Variants in SH3BGRL2 observed in about 807,000 individuals in gnomAD.
The protein encoded by SH3BGRL2 is SH3 domain binding glutamate rich protein like 2.
A neutral mutation model predicts 14.8 loss-of-function variants in SH3BGRL2; 21 were observed. The observed-to-expected ratio is 1.42, with a 90% CI of 1.01 to 2.05. The LOEUF is 2.05. SH3BGRL2 is among the 30% of genes most tolerant of loss of function. The probability of loss-of-function intolerance (pLI) is 0.00; values close to 1 mark genes in which losing one functional copy is unlikely to be tolerated. For missense variants in SH3BGRL2, 147 were observed against 130.8 expected, an observed-to-expected ratio of 1.12 and a Z score of -0.61; for synonymous variants, 50 against 47.8, an observed-to-expected ratio of 1.05 and a Z score of -0.19.
At chr6:79,655,144 A>C (rs961602549) in intron 1 of SH3BGRL2, among the ~76,000 whole-genome samples, 3 of 152,072 alleles carry the variant, frequency 2.0e-5, no homozygotes, top group African/African-American at 7.2e-5. Context: ...TGCTTTTGTC[A>C]GGGAAGATTT....
At chr6:79,543,334 A>G in the SH3BGRL2 span, among the ~76,000 whole-genome samples, 1 of 152,218 alleles carries the variant, frequency 6.6e-6, no homozygotes, top group Admixed American at 6.5e-5. Context: ...CAGGCCAGCT[A>G]CATTTCAAGT....
chr6:79,586,232 C>CTTGTTTTTTTTTTTT, the SH3BGRL2 span, among the ~76,000 whole-genome samples: 1 of 71,590 alleles, frequency 1.4e-5, no homozygotes, highest in Non-Finnish European at 2.6e-5. Context: ...TATGTATGGA[C>CTTGTTTTTTTTTTTT]TTCTTTTTTT....
chr6:79,598,036 A>G, the SH3BGRL2 span, among the ~76,000 whole-genome samples: 1 of 152,256 alleles, frequency 6.6e-6, no homozygotes, highest in Non-Finnish European at 1.5e-5. Flanking sequence ...ATGGAAATGT[A>G]AATCAAAACC....
intron 1 of SH3BGRL2, among the ~76,000 whole-genome samples, chr6:79,659,896 T>A (rs181146019): frequency 2.2e-5 from 3 of 138,636 alleles, no homozygotes; most frequent in African/African-American, 7.9e-5. Context: ...ATTCTCTTTG[T>A]AGGAATTGTA....
chr6:79,682,717 T>A (rs1770011876), intron 2 of SH3BGRL2, among the ~76,000 whole-genome samples: 1 of 152,230 alleles, frequency 6.6e-6, no homozygotes, highest in South Asian at 2.1e-4. Context: ...ATATTTTTAA[T>A]AGCAGAACAA....
intron 1 of SH3BGRL2, among the ~76,000 whole-genome samples, chr6:79,644,354 C>G (rs955992063): frequency 2.6e-5 from 4 of 151,978 alleles, no homozygotes; most frequent in African/African-American, 9.7e-5. Context: ...TAGACAGCCT[C>G]CATCTGTAAA....
intron 1 of SH3BGRL2, among the ~76,000 whole-genome samples, chr6:79,662,812 T>A (rs1769579682): frequency 6.6e-6 from 1 of 152,208 alleles, no homozygotes; most frequent in Non-Finnish European, 1.5e-5. Context: ...TCTTTTCACA[T>A]AGTCCCATAT....
chr6:79,667,462 A>G (rs74720731), intron 1 of SH3BGRL2, among the ~76,000 whole-genome samples: 21 of 150,120 alleles, frequency 1.4e-4, no homozygotes, highest in Non-Finnish European at 1.5e-5. Flanking sequence ...TTTTTTTTTA[A>G]TTGAGACAGA....
At chr6:79,640,784 T>G (rs886401353) in intron 1 of SH3BGRL2, among the ~76,000 whole-genome samples, 2 of 151,886 alleles carry the variant, frequency 1.3e-5, no homozygotes, top group Admixed American at 1.3e-4. Flanking sequence ...TCTAACTAAT[T>G]TAGGATGTGT....
chr6:79,642,346 C>T (rs796542649), intron 1 of SH3BGRL2, among the ~76,000 whole-genome samples: 71 of 152,200 alleles, frequency 4.7e-4, no homozygotes, highest in African/African-American at 1.5e-3. Flanking sequence ...AAATACTATA[C>T]GACTTGATAT....
chr6:79,581,888 A>G, the SH3BGRL2 span, among the ~76,000 whole-genome samples: 1 of 152,074 alleles, frequency 6.6e-6, no homozygotes, highest in Non-Finnish European at 1.5e-5. Context: ...AGAAAACCCC[A>G]TCGTCTCAGT....
the SH3BGRL2 span, among the ~76,000 whole-genome samples, chr6:79,546,699 C>T: frequency 1.4e-5 from 2 of 143,876 alleles, no homozygotes. Flanking sequence ...AGTAGCAACT[C>T]TTTTTTTTTT....
chr6:79,564,449 A>T, the SH3BGRL2 span, among the ~76,000 whole-genome samples: 5 of 152,052 alleles, frequency 3.3e-5, no homozygotes. Flanking sequence ...GTCTTTTACT[A>T]CTTCTGCTAT....
intron 2 of SH3BGRL2, among the ~76,000 whole-genome samples, chr6:79,680,884 AAC>A (rs1769976087): frequency 6.6e-6 from 1 of 152,182 alleles, no homozygotes; most frequent in Admixed American, 6.5e-5. Flanking sequence ...AGTGTCTAAA[AAC>A]ACAACTGATT....
At chr6:79,579,206 C>T in the SH3BGRL2 span, among the ~76,000 whole-genome samples, 3 of 152,150 alleles carry the variant, frequency 2.0e-5, no homozygotes, top group Admixed American at 6.5e-5. Flanking sequence ...GAGAATGGAA[C>T]CAAGTTGGAA....
chr6:79,617,180 C>T, the SH3BGRL2 span, among the ~76,000 whole-genome samples: 8 of 140,564 alleles, frequency 5.7e-5, no homozygotes, highest in East Asian at 4.3e-4. Flanking sequence ...AGCAAAACTC[C>T]GTCTCAAAAC....
chr6:79,679,432 T>A (rs1769947840), intron 2 of SH3BGRL2, among the ~76,000 whole-genome samples: 1 of 152,080 alleles, frequency 6.6e-6, no homozygotes, highest in Non-Finnish European at 1.5e-5. Context: ...AAGTGTCTGT[T>A]CATGTCCTTT....
At chr6:79,581,997 A>C in the SH3BGRL2 span, among the ~76,000 whole-genome samples, 4 of 150,152 alleles carry the variant, frequency 2.7e-5, no homozygotes, top group Middle Eastern at 6.8e-3. Context: ...ATTAACAGAC[A>C]AACAGAGAGC....
At chr6:79,678,760 G>A (rs942478173) in intron 2 of SH3BGRL2, among the ~76,000 whole-genome samples, 7 of 152,096 alleles carry the variant, frequency 4.6e-5, no homozygotes, top group African/African-American at 7.2e-5. Context: ...GTTTTTTGAC[G>A]CATATCCCCT....
Sources: allele counts gnomAD v4.1 joint callset (sites outside exome capture counted in the v4.1 genomes callset), GRCh38; gene constraint gnomAD v4.1.1; transcripts MANE v1.5; gene names NCBI Gene and HGNC (gene_info 2026-07-23, HGNC 2026-07-21).